Variants in EEF2K observed in about 807,000 individuals in gnomAD.
The protein encoded by EEF2K is alternative protein EEF2K.
Under a neutral mutation model 93.8 loss-of-function variants are expected in EEF2K, and 70 were observed. The ratio of observed to expected loss-of-function variants is 0.75; its 90% CI spans 0.62 to 0.91. The LOEUF (loss-of-function observed/expected upper bound fraction) is 0.91. Among genes scored for constraint, EEF2K ranks in the 40% least tolerant of loss-of-function variants. The pLI, the probability that EEF2K is intolerant of heterozygous loss-of-function variation, is 0.00. For synonymous variants in EEF2K, 376 were observed against 380.8 expected, an observed-to-expected ratio of 0.99 and a Z score of 0.15; for missense variants, 935 against 972.9, an observed-to-expected ratio of 0.96 and a Z score of 0.52.
rs1598185896 is a variant in EEF2K at position 22,249,536 on chromosome 16, C to T, written c.408+721C>T. 2.0e-5 allele frequency among the ~76,000 whole-genome samples: 3 copies of T among 152,098 alleles called. No homozygotes were observed. The South Asian group carries it at 6.2e-4, about 32-fold the overall frequency. On this transcript the variant is annotated intron_variant, in intron 4 of 17. Transcript: ENST00000263026. ...ACTCCTCCCATACCCACAGGGTAAGCACCCCTCTGAATTCTATCACCCTAG... is the reference window on the plus strand; with the variant it reads ...ACTCCTCCCATACCCACAGGGTAAGTACCCCTCTGAATTCTATCACCCTAG...
At chr16:22,251,539 GCCA>G (rs2047352527) in intron 6 of EEF2K, among the ~76,000 whole-genome samples, 1 of 151,796 alleles carries the variant, frequency 6.6e-6, no homozygotes, top group African/African-American at 2.4e-5. Context: ...TCCTGCCTCA[GCCA>G]CCCCAGTAGC....
intron 9 of EEF2K, among the ~76,000 whole-genome samples, chr16:22,258,058 G>A (rs985177937): frequency 6.6e-6 from 1 of 152,102 alleles, no homozygotes; most frequent in East Asian, 1.9e-4. Context: ...GGCATGTGGT[G>A]TGTGTGTGTG....
intron 16 of EEF2K, among the ~76,000 whole-genome samples, chr16:22,279,266 T>G: frequency 6.6e-6 from 1 of 151,114 alleles, no homozygotes; most frequent in Admixed American, 6.6e-5. Context: ...AACACAGGGT[T>G]ATACTCTATT....
Position 22,284,190 on chromosome 16 carries a change from G to C in EEF2K, c.*194G>C. ...GGCAGCTACCAGCAGAGACTCTATA[G>C]CTGTCTCTTAGGGCAGTATTTTGGG... On this transcript the variant is annotated 3_prime_UTR_variant, in exon 18 of 18. Coordinates refer to ENST00000263026, the MANE Select transcript of EEF2K (RefSeq NM_013302.5). 1.7e-6 allele frequency: 1 copy of C among 592,792 alleles called. No individual in the cohort carries two copies. The highest frequency in any genetic ancestry group is 3.0e-6 in the Non-Finnish European group (1 of 334,344). 36.7% of individuals were successfully genotyped at this position (592,792 alleles called of 1,614,324 possible).
rs1469014928 is a variant in EEF2K at position 22,256,743 on chromosome 16, A to C, written c.619-5A>C. The C allele has an allele frequency of 6.2e-7, 1 of 1,613,224 alleles. No homozygotes were observed. On this transcript the variant is annotated splice_polypyrimidine_tract_variant and splice_region_variant and intron_variant, in intron 6 of 17. Coordinates refer to ENST00000263026, the MANE Select transcript of EEF2K (RefSeq NM_013302.5). The stretch of plus-strand genomic sequence containing the variant: ...CCCGCCTGAGCCCACTCCCCATCCC[A>C]CCAGGTGGACATCATGCAGATGTGC...
chr16:22,207,776 C>CAG (rs777856865), intron 1 of EEF2K, among the ~76,000 whole-genome samples: 1 of 152,110 alleles, frequency 6.6e-6, no homozygotes, highest in Non-Finnish European at 1.5e-5. Flanking sequence ...GTCACATAAA[C>CAG]AGATTCTAAA....
chr16:22,230,218 T>TC (rs1485189952), intron 2 of EEF2K, among the ~76,000 whole-genome samples: 2 of 151,786 alleles, frequency 1.3e-5, no homozygotes, highest in African/African-American at 4.8e-5. Context: ...TTTCTTTCCT[T>TC]CTTTTTTTTT....
rs780310416 is a variant in EEF2K, at chr16:22,264,812, G to T, written c.1378-6G>T. On this transcript the variant is annotated splice_polypyrimidine_tract_variant and splice_region_variant and intron_variant, in intron 12 of 17. Coordinates refer to ENST00000263026, the MANE Select transcript of EEF2K (RefSeq NM_013302.5). ...TTGGATCAGTGTAATTTCTTCCTCC[G>T]TTCAGGGCCACTCATACAGTAATCG... is the stretch of plus-strand genomic sequence containing the variant. 2 of 1,613,810 alleles carry T rather than the reference G, an allele frequency of 1.2e-6. No individual in the cohort carries two copies. Among genetic ancestry groups the T allele is most frequent in the African/African-American group, 1.3e-5 (1 of 75,006 alleles).
At chr16:22,239,299 G>A (rs900991639) in intron 2 of EEF2K, among the ~76,000 whole-genome samples, 5 of 152,122 alleles carry the variant, frequency 3.3e-5, no homozygotes, top group African/African-American at 1.2e-4. Flanking sequence ...GAATGGGGAC[G>A]GTCCCTGTTA....
intron 17 of EEF2K, 45 bp from the exon 18 acceptor site, chr16:22,283,842 C>G (rs1598212580): frequency 1.3e-6 from 2 of 1,543,472 alleles, no homozygotes; most frequent in East Asian, 4.9e-5. Context: ...CTGGCAAAAA[C>G]AACAGGTGGT....
At chr16:22,233,679 C>A (rs1395675742) in intron 2 of EEF2K, among the ~76,000 whole-genome samples, 1 of 152,160 alleles carries the variant, frequency 6.6e-6, no homozygotes, top group Non-Finnish European at 1.5e-5. Flanking sequence ...GCGAGACCCT[C>A]TCCCCTGCCC....
chr16:22,253,501 C>T (rs1042624444), intron 6 of EEF2K, among the ~76,000 whole-genome samples: 9 of 152,068 alleles, frequency 5.9e-5, no homozygotes, highest in African/African-American at 1.9e-4. Flanking sequence ...TTGGCCCTGG[C>T]TGTGGGCTTG....
In EEF2K at chr16:22,251,342, G is replaced by GC; in HGVS notation, c.618+25dup. On this transcript the variant is annotated intron_variant, in intron 6 of 17. Transcript: ENST00000263026. ...AAGCAGGTGCGTGGCCCCACTACCT[G>GC]CCCCCTTTCCATGCCAGGGCAGCTG... 1 of 1,612,458 alleles carries GC rather than the reference G, an allele frequency of 6.2e-7. No homozygotes were observed. Among genetic ancestry groups the GC allele is most frequent in the South Asian group, 1.1e-5 (1 of 90,960 alleles).
chr16:22,257,268 A>G lies in EEF2K; in HGVS notation c.784A>G (p.Thr262Ala), dbSNP rs753466272. 1.2e-6 allele frequency: 2 copies of G among 1,613,796 alleles called. No homozygotes were observed. Among genetic ancestry groups the G allele is most frequent in the Middle Eastern group, 1.7e-4 (1 of 6,058 alleles). ...TCCCCTGTAGGCCTTCAGCCACTTC[A>G]CTTTTGAGCGTTCCGGCCATCAGCT... ...RLTPQAFSHF[T>A]FERSGHQLIV... The change falls in exon 8 of 18, where the codon ACT (threonine) becomes GCT (alanine). Residue 262 changes from threonine (T) to alanine (A), a missense_variant. Transcript: ENST00000263026.
At chr16:22,237,756 G>A (rs1417692784) in intron 2 of EEF2K, among the ~76,000 whole-genome samples, 1 of 152,130 alleles carries the variant, frequency 6.6e-6, no homozygotes, top group Non-Finnish European at 1.5e-5. Context: ...GTCTCTTTGA[G>A]CAACTTCTTA....
At chr16:22,224,847 C>G (rs4783445) in intron 1 of EEF2K, among the ~76,000 whole-genome samples, 64,360 of 151,200 alleles carry the variant, frequency 0.43, 15,531 homozygotes, top group East Asian at 0.88. Flanking sequence ...CAGCTACGCG[C>G]GAGGCTGAGG....
At chr16:22,228,892 A>C (rs1182542473) in intron 2 of EEF2K, among the ~76,000 whole-genome samples, 1 of 152,190 alleles carries the variant, frequency 6.6e-6, no homozygotes, top group East Asian at 1.9e-4. Context: ...GGGCTGCTTA[A>C]ATTTCTTAGC....
chr16:22,283,328 A>AAAGAAG, intron 17 of EEF2K, among the ~76,000 whole-genome samples: 1 of 142,924 alleles, frequency 7.0e-6, no homozygotes, highest in African/African-American at 2.8e-5. Flanking sequence ...AAAAAAAAAA[A>AAAGAAG]AAGAAGAAGA....
At chr16:22,236,755 AATT>A (rs1209739539) in intron 2 of EEF2K, among the ~76,000 whole-genome samples, 1 of 151,632 alleles carries the variant, frequency 6.6e-6, no homozygotes, top group Admixed American at 6.6e-5. Context: ...CGATGAAGTA[AATT>A]ATTATTACTA....
Sources: allele counts gnomAD v4.1 joint callset (sites outside exome capture counted in the v4.1 genomes callset), GRCh38; gene constraint gnomAD v4.1.1; transcripts MANE v1.5; gene names NCBI Gene and HGNC (gene_info 2026-07-23, HGNC 2026-07-21).